AGAP1: variants seen among roughly 807,000 people sequenced by gnomAD.
The protein encoded by AGAP1 is ArfGAP with GTPase domain, ankyrin repeat and PH domain 1.
A neutral mutation model predicts 105.3 loss-of-function variants in AGAP1; 29 were observed. The observed-to-expected ratio is 0.28, with a 90% CI of 0.21 to 0.38. The LOEUF (loss-of-function observed/expected upper bound fraction) is 0.38, where lower values mean the gene tolerates loss of function less well. Ranked by LOEUF, AGAP1 falls within the 10% of genes least tolerant of loss-of-function variation. AGAP1 has a pLI of 1.00. For missense variants in AGAP1, 998 were observed against 1,165.1 expected, an observed-to-expected ratio of 0.86 and a Z score of 2.09; for synonymous variants, 509 against 485.9, an observed-to-expected ratio of 1.05 and a Z score of -0.63.
Position 235,494,638 on chromosome 2 carries a change from G to A in AGAP1, c.-49G>A, listed in dbSNP as rs1162232427. On this transcript the variant is annotated 5_prime_UTR_variant, in exon 1 of 18. Transcript: ENST00000304032. ...CGGCGGCCCGCGGGCCCCGGGGCGC[G>A]GGGCGGCGGCGGCGGGGGGCGCGCG... 11 of 973,526 alleles carry A rather than the reference G, an allele frequency of 1.1e-5. No individual in the cohort carries two copies. Among genetic ancestry groups the A allele is most frequent in the African/African-American group, 1.8e-5 (1 of 55,504 alleles). The allele number at this position is 973,526 out of a possible 1,614,324, so 60.3% of individuals were successfully genotyped here. A position where few individuals can be genotyped will look rare whatever the true frequency, so the allele number is the denominator to read the frequency against.
chr2:235,564,728 G>A (rs890688721), intron 1 of AGAP1, among the ~76,000 whole-genome samples: 2 of 143,406 alleles, frequency 1.4e-5, no homozygotes, highest in African/African-American at 2.7e-5. Context: ...CCAGGGCCAG[G>A]TGTGAGCCTG....
At chr2:236,068,202 CA>C (rs2058398797) in intron 16 of AGAP1, among the ~76,000 whole-genome samples, 2 of 151,842 alleles carry the variant, frequency 1.3e-5, no homozygotes, top group African/African-American at 4.9e-5. Context: ...ATCCAGGAGG[CA>C]GAGGTTGTAG....
At chr2:235,885,022 A>G (rs2050205425) in intron 10 of AGAP1, among the ~76,000 whole-genome samples, 1 of 152,186 alleles carries the variant, frequency 6.6e-6, no homozygotes, top group South Asian at 2.1e-4. Context: ...CCAAGCTATT[A>G]ATTTTTAAAA....
Position 235,750,205 on chromosome 2 carries a change from G to A in AGAP1, c.539-149G>A. 1 of 1,140,910 alleles carries A rather than the reference G, an allele frequency of 8.8e-7. No homozygotes were observed. The allele number at this position is 1,140,910 out of a possible 1,614,324, so 70.7% of individuals were successfully genotyped here. ...CTCTTGTGTTTGAGTCTCTTAGTTGGGAGGCAAACGATGCTCTACAATTCC... is the reference window on the plus strand; with the variant it reads ...CTCTTGTGTTTGAGTCTCTTAGTTGAGAGGCAAACGATGCTCTACAATTCC... On this transcript the variant is annotated intron_variant, in intron 5 of 17. Transcript: ENST00000304032. This position sits in a 1 kb window ranked among gnomAD's most constrained non-coding sequence, Gnocchi z 5.3.
intron 1 of AGAP1, among the ~76,000 whole-genome samples, chr2:235,676,795 A>G (rs1218616182): frequency 1.3e-5 from 2 of 152,352 alleles, no homozygotes; most frequent in African/African-American, 4.8e-5. Context: ...ACTTAAAATG[A>G]TGTCACAATG....
chr2:235,978,910 T>TA (rs1181897616), intron 13 of AGAP1, among the ~76,000 whole-genome samples: 151 of 149,298 alleles, frequency 1.0e-3, no homozygotes, highest in Admixed American at 2.9e-3. Flanking sequence ...GATACGTTTT[T>TA]AAAAAAAAAA....
At chr2:235,984,969 G>C (rs1469675112) in intron 13 of AGAP1, among the ~76,000 whole-genome samples, 1 of 152,148 alleles carries the variant, frequency 6.6e-6, no homozygotes, top group African/African-American at 2.4e-5. Context: ...TATATACCTA[G>C]TAATAGGATT....
At chr2:236,093,672 G>C (rs751262659) in intron 16 of AGAP1, among the ~76,000 whole-genome samples, 5 of 152,042 alleles carry the variant, frequency 3.3e-5, no homozygotes, top group Admixed American at 6.6e-5. Context: ...ACGTATTTTT[G>C]GATAATTTGG....
At chr2:235,731,283 C>T (rs977304516) in intron 3 of AGAP1, among the ~76,000 whole-genome samples, 9 of 152,104 alleles carry the variant, frequency 5.9e-5, no homozygotes, top group African/African-American at 2.2e-4. Flanking sequence ...AGATGCGTTC[C>T]CCTTTGTTAT....
chr2:236,032,906 C>T (rs929252621), intron 13 of AGAP1, among the ~76,000 whole-genome samples: 2 of 152,196 alleles, frequency 1.3e-5, no homozygotes, highest in African/African-American at 4.8e-5. Context: ...AGGGAACTTT[C>T]TTCTGTCCAG....
chr2:235,990,934 G>A (rs2055539164), intron 13 of AGAP1, among the ~76,000 whole-genome samples: 1 of 152,240 alleles, frequency 6.6e-6, no homozygotes, highest in African/African-American at 2.4e-5. Context: ...GTTCTTTTCT[G>A]CAAAGGCAGC....
At position 236,119,015 on chromosome 2, in the gene AGAP1, A is replaced by C. The variant is rs1269407819; in HGVS notation, c.2115-1177A>C. On this transcript the variant is annotated intron_variant, in intron 16 of 17. Transcript: ENST00000304032. This position sits in a 1 kb window ranked among gnomAD's most constrained non-coding sequence, Gnocchi z 6.6. ...TGTTGGTTTCCTCTTCTATTTGTTA[A>C]GCTTCTCATCTCATCCTGTCCTCTC... 1.3e-5 allele frequency among the ~76,000 whole-genome samples: 2 copies of C among 151,942 alleles called. No homozygotes were observed. Among genetic ancestry groups the C allele is most frequent in the Admixed American group, 1.3e-4 (2 of 15,254 alleles).
chr2:235,882,006 A>G lies in AGAP1; in HGVS notation c.1051-1339A>G, dbSNP rs2050047816. Among the ~76,000 whole-genome samples the G allele has an allele frequency of 6.6e-6, 1 of 152,162 alleles. No homozygotes were observed. Among genetic ancestry groups the G allele is most frequent in the Non-Finnish European group, 1.5e-5 (1 of 68,030 alleles). ...AATTCTGCTTTACAAATATAAGGTG[A>G]GAATACAGTTAATGCAGTTTGGGTT... On this transcript the variant is annotated intron_variant, in intron 9 of 17. Transcript: ENST00000304032. This position sits in a 1 kb window ranked among gnomAD's most constrained non-coding sequence, Gnocchi z 4.6.
chr2:236,044,180 G>A lies in AGAP1; in HGVS notation c.1891+3339G>A, dbSNP rs1442569516. Among the ~76,000 whole-genome samples the A allele has an allele frequency of 1.3e-5, 2 of 152,150 alleles. No individual in the cohort carries two copies. Among genetic ancestry groups the A allele is most frequent in the African/African-American group, 4.8e-5 (2 of 41,430 alleles). On this transcript the variant is annotated intron_variant, in intron 15 of 17. Transcript: ENST00000304032. This position sits in a 1 kb window ranked among gnomAD's most constrained non-coding sequence, Gnocchi z 5.7. The stretch of plus-strand genomic sequence containing the variant: ...AGGAAGTTGCAGCCTTCGGACACCT[G>A]TGCTTCCGGGGAGTACTGCTCTGAA...
rs1436730182 is a variant in AGAP1 at position 235,721,158 on chromosome 2, C to A, written c.310+3514C>A. 5.3e-5 allele frequency among the ~76,000 whole-genome samples: 8 copies of A among 152,094 alleles called. 1 individual carries two copies. The highest frequency in any genetic ancestry group is 1.7e-4 in the African/African-American group (7 of 41,402). The stretch of plus-strand genomic sequence containing the variant: ...GAGTAGCTGGGATTACAGGCACCCC[C>A]CACCGCGCCCGGATAATTTTTGTAT... On this transcript the variant is annotated intron_variant, in intron 3 of 17. Coordinates refer to ENST00000304032, the MANE Select transcript of AGAP1 (RefSeq NM_001037131.3). The surrounding 1 kb of genome is among the most constrained non-coding windows in gnomAD (Gnocchi z 4.5).
At chr2:235,685,841 G>T (rs922251053) in intron 1 of AGAP1, among the ~76,000 whole-genome samples, 1 of 152,102 alleles carries the variant, frequency 6.6e-6, no homozygotes, top group Non-Finnish European at 1.5e-5. Flanking sequence ...ACATGTGCCC[G>T]AGGTGGCCTG....
intron 13 of AGAP1, among the ~76,000 whole-genome samples, chr2:236,011,969 T>A (rs1039063419): frequency 6.6e-6 from 1 of 152,060 alleles, no homozygotes; most frequent in African/African-American, 2.4e-5. Flanking sequence ...AAGGTGTTAT[T>A]GATGATAATA....
intron 1 of AGAP1, among the ~76,000 whole-genome samples, chr2:235,519,287 A>G (rs1348477193): frequency 6.6e-6 from 1 of 152,126 alleles, no homozygotes; most frequent in East Asian, 1.9e-4. Flanking sequence ...TGTGTTGCCC[A>G]GGCTGGTCTT....
intron 6 of AGAP1, among the ~76,000 whole-genome samples, chr2:235,779,022 A>G (rs1956090327): frequency 6.6e-6 from 1 of 152,212 alleles, no homozygotes; most frequent in Non-Finnish European, 1.5e-5. Flanking sequence ...GAGCCACAAA[A>G]GGGCCAGGTA....
Sources: allele counts gnomAD v4.1 joint callset (sites outside exome capture counted in the v4.1 genomes callset), GRCh38; gene constraint gnomAD v4.1.1; non-coding constraint Gnocchi (gnomAD v3.1); transcripts MANE v1.5; gene names NCBI Gene and HGNC (gene_info 2026-07-23, HGNC 2026-07-21).